The following NEURL3 variants were observed in gnomAD, a reference collection of about 807,000 sequenced individuals.
The protein encoded by NEURL3 is E3 ubiquitin-protein ligase NEURL3.
NEURL3 carries 19 observed loss-of-function variants against 17.6 expected under a neutral mutation model. The ratio of observed to expected loss-of-function variants is 1.08; its 90% CI spans 0.75 to 1.58. NEURL3 has a LOEUF of 1.58. Among genes scored for constraint, NEURL3 ranks in the 40% most tolerant of loss-of-function variants. NEURL3 has a pLI of 0.00. For synonymous variants in NEURL3, 180 were observed against 161.4 expected (o/e 1.11, Z -0.87); for missense variants, 342 against 379.6 (o/e 0.90, Z 0.82).
chr2:96,502,474 C>A (rs2065519058), intron 1 of NEURL3, among the ~76,000 whole-genome samples: 1 of 152,232 alleles, frequency 6.6e-6, no homozygotes, highest in Non-Finnish European at 1.5e-5. Context: ...CCTCCAGGGC[C>A]CAGCCTCCTC....
intron 1 of NEURL3, among the ~76,000 whole-genome samples, chr2:96,501,476 A>G (rs1472696707): frequency 1.3e-5 from 2 of 151,868 alleles, no homozygotes; most frequent in Non-Finnish European, 2.9e-5. Flanking sequence ...TTGTTTTCCC[A>G]TGGGGAACTG....
chr2:96,498,278 C>T lies in NEURL3; in HGVS notation c.755G>A (p.Gly252Asp). The T allele has an allele frequency of 6.3e-7, 1 of 1,581,302 alleles. No individual in the cohort carries two copies. Among genetic ancestry groups the T allele is most frequent in the Non-Finnish European group, 8.5e-7 (1 of 1,171,478 alleles). ...WQIEAVAPAQ[G>D]PPALRVEEGS ...TTCCTCAACCCTCAGAGCAGGAGGGCCCTGCGCAGGGGCTACCGCCTCTAT... is the reference window on the plus strand; with the variant it reads ...TTCCTCAACCCTCAGAGCAGGAGGGTCCTGCGCAGGGGCTACCGCCTCTAT... The change falls in exon 4 of 4, where the codon GGC becomes GAC. Residue 252 changes from glycine to aspartate, a missense_variant. Coordinates refer to ENST00000451794, the MANE Select transcript of NEURL3 (RefSeq NM_001285485.2). This position sits in a 1 kb window ranked among gnomAD's most constrained non-coding sequence, Gnocchi z 4.4.
At chr2:96,499,307 C>T (rs562271656) in intron 3 of NEURL3, 71 bp downstream of exon 3, 21 of 1,580,752 alleles carry the variant, frequency 1.3e-5, no homozygotes, top group Middle Eastern at 1.7e-4. Flanking sequence ...ACCAGTAGGA[C>T]GTGGGGCTTC....
chr2:96,504,979 C>T (rs913285304), intron 1 of NEURL3, among the ~76,000 whole-genome samples: 1 of 151,632 alleles, frequency 6.6e-6, no homozygotes, highest in South Asian at 2.1e-4. Context: ...TTGCAGAGAA[C>T]CTTTGTGCCT....
upstream of NEURL3, among the ~76,000 whole-genome samples, chr2:96,506,699 G>A (rs191945650): frequency 5.3e-5 from 8 of 152,260 alleles, no homozygotes; most frequent in Admixed American, 1.3e-4. Context: ...TCCCCAGAGC[G>A]CTGCAGCCAT....
At chr2:96,501,320 G>T (rs915340489) in intron 1 of NEURL3, among the ~76,000 whole-genome samples, 3 of 152,026 alleles carry the variant, frequency 2.0e-5, no homozygotes, top group African/African-American at 4.8e-5. Context: ...CTCCCAAAGC[G>T]CTAGGATTAC....
At chr2:96,505,675 T>G (rs1167340865), upstream of NEURL3, among the ~76,000 whole-genome samples, 1 of 152,232 alleles carries the variant, frequency 6.6e-6, no homozygotes, top group Non-Finnish European at 1.5e-5. Flanking sequence ...TCCACTGGCC[T>G]AGGGTGGAAC....
chr2:96,505,447 T>C (rs2065553354), upstream of NEURL3: 1 of 677,742 alleles, frequency 1.5e-6, no homozygotes. Flanking sequence ...TGTGTTACTA[T>C]ATCCAGGGGA....
intron 1 of NEURL3, among the ~76,000 whole-genome samples, chr2:96,504,228 G>A (rs889703326): frequency 2.0e-5 from 3 of 152,124 alleles, no homozygotes; most frequent in African/African-American, 7.2e-5. Flanking sequence ...GCCTTTCAGG[G>A]TGTCAGGCAC....
upstream of NEURL3, among the ~76,000 whole-genome samples, chr2:96,506,143 C>G (rs2065559144): frequency 1.3e-5 from 2 of 152,212 alleles, no homozygotes; most frequent in Admixed American, 1.3e-4. Flanking sequence ...ACTCTCAAAT[C>G]TCCTGGGGAT....
chr2:96,503,639 C>G (rs1573158706), intron 1 of NEURL3, among the ~76,000 whole-genome samples: 1 of 152,178 alleles, frequency 6.6e-6, no homozygotes, highest in East Asian at 1.9e-4. Context: ...GCCCACAGGA[C>G]CGTGTCCACC....
At chr2:96,503,737 C>T (rs2065533281) in intron 1 of NEURL3, among the ~76,000 whole-genome samples, 2 of 152,334 alleles carry the variant, frequency 1.3e-5, no homozygotes, top group South Asian at 2.1e-4. Flanking sequence ...CACCTGCCTC[C>T]TCCCACGAGG....
chr2:96,500,182 C>T, intron 2 of NEURL3: 1 of 545,998 alleles, frequency 1.8e-6, no homozygotes, highest in Non-Finnish European at 3.3e-6. Context: ...GATGGACACT[C>T]TAACAGGTGT....
rs768898142 is a variant in NEURL3, at chr2:96,498,332, G to A, written c.701C>T (p.Thr234Met). ...CCAGCGGCACACAGGGCACTTGGCCGTATCGCTGAAGACCCGCCAGGCACA... is the reference window on the plus strand; with the variant it reads ...CCAGCGGCACACAGGGCACTTGGCCATATCGCTGAAGACCCGCCAGGCACA... ...RYCAWRVFSD[T>M]AKCPVCRWQI... The change falls in exon 4 of 4, where the codon ACG (threonine) becomes ATG (methionine). Residue 234 changes from threonine to methionine, a missense_variant. Physicochemically the swap from Thr to Met is moderately conservative, Grantham distance 81. Transcript: ENST00000451794. This position sits in a 1 kb window ranked among gnomAD's most constrained non-coding sequence, Gnocchi z 4.4. 11 of 1,597,992 alleles carry A rather than the reference G, an allele frequency of 6.9e-6. No homozygotes were observed. The East Asian group carries it at 1.1e-4, about 16-fold the overall frequency.
chr2:96,506,215 C>CT (rs530778887), upstream of NEURL3, among the ~76,000 whole-genome samples: 88 of 149,402 alleles, frequency 5.9e-4, no homozygotes, highest in Admixed American at 1.8e-3. Context: ...GTGGACCCGA[C>CT]TTTTTTTTTT....
Position 96,498,081 on chromosome 2 carries a change from C to T in NEURL3, c.*163G>A. The T allele has an allele frequency of 1.5e-6, 1 of 674,448 alleles. No individual in the cohort carries two copies. Among genetic ancestry groups the T allele is most frequent in the South Asian group, 2.0e-5 (1 of 50,730 alleles). The allele number at this position is 674,448 out of a possible 1,614,324, so 41.8% of individuals were successfully genotyped here. On this transcript the variant is annotated 3_prime_UTR_variant, in exon 4 of 4. Transcript: ENST00000451794. The surrounding 1 kb of genome is among the most constrained non-coding windows in gnomAD (Gnocchi z 4.4). Reference sequence around the variant, plus strand: ...TATCCTGTTGGGGAACAGGTGGAGGCAGCAGACAGCACCTCCCTGCCTTCC... The same window carrying T: ...TATCCTGTTGGGGAACAGGTGGAGGTAGCAGACAGCACCTCCCTGCCTTCC...
chr2:96,498,478 A>G lies in NEURL3; in HGVS notation c.587-32T>C. ...GAGGGAGCAACACAGGTCAGGGCAC[A>G]TGGGGGAAGGGGTGGGCAACCCGCT... On this transcript the variant is annotated intron_variant, in intron 3 of 3. Transcript: ENST00000451794. The surrounding 1 kb of genome is among the most constrained non-coding windows in gnomAD (Gnocchi z 4.4). 6.4e-7 allele frequency: 1 copy of G among 1,564,746 alleles called. No individual in the cohort carries two copies. Among genetic ancestry groups the G allele is most frequent in the Non-Finnish European group, 8.7e-7 (1 of 1,154,122 alleles).
upstream of NEURL3, among the ~76,000 whole-genome samples, chr2:96,506,605 C>T (rs1019778846): frequency 6.6e-6 from 1 of 152,270 alleles, no homozygotes; most frequent in South Asian, 2.1e-4. Context: ...GACCCCAGAT[C>T]AAGGCCACAA....
intron 1 of NEURL3, among the ~76,000 whole-genome samples, chr2:96,502,043 GT>G (rs2065513823): frequency 6.6e-6 from 1 of 152,124 alleles, no homozygotes; most frequent in Non-Finnish European, 1.5e-5. Flanking sequence ...CACGTTTGCG[GT>G]GACAGTGACT....
Sources: allele counts gnomAD v4.1 joint callset (sites outside exome capture counted in the v4.1 genomes callset), GRCh38; gene constraint gnomAD v4.1.1; non-coding constraint Gnocchi (gnomAD v3.1); transcripts MANE v1.5; gene names NCBI Gene and HGNC (gene_info 2026-07-23, HGNC 2026-07-21).